The following KIF26B variants were observed in gnomAD, a reference collection of about 807,000 sequenced individuals.
KIF26B encodes kinesin family member 26B, also known as kinesin-like protein KIF26B.
Under a neutral mutation model 151.2 loss-of-function variants are expected in KIF26B, and 63 were observed. The ratio of observed to expected loss-of-function variants is 0.42; its 90% CI spans 0.34 to 0.51. The LOEUF (loss-of-function observed/expected upper bound fraction) is 0.51, where lower values mean the gene tolerates loss of function less well. Among genes scored for constraint, KIF26B ranks in the 20% least tolerant of loss-of-function variants. KIF26B has a pLI of 0.07. For missense variants in KIF26B, 2,813 were observed against 2,913.6 expected, an observed-to-expected ratio of 0.97 and a Z score of 0.79; for synonymous variants, 1,357 against 1,262.1, an observed-to-expected ratio of 1.08 and a Z score of -1.59.
chr1:245,186,674 A>G (rs1398247502), intron 2 of KIF26B, among the ~76,000 whole-genome samples: 1 of 152,182 alleles, frequency 6.6e-6, no homozygotes, highest in Non-Finnish European at 1.5e-5. Flanking sequence ...GCCTTCTGTA[A>G]AGTGGGACTC....
chr1:245,377,810 G>GA (rs113956425), intron 3 of KIF26B, among the ~76,000 whole-genome samples: 2,652 of 151,664 alleles, frequency 0.017, 79 homozygotes, highest in African/African-American at 0.059. Context: ...TTGCTTGGAG[G>GA]AAAAAAAAGG....
At chr1:245,205,371 C>A (rs1460941511) in intron 2 of KIF26B, among the ~76,000 whole-genome samples, 1 of 152,094 alleles carries the variant, frequency 6.6e-6, no homozygotes, top group Non-Finnish European at 1.5e-5. Flanking sequence ...ATACTAATTC[C>A]TATTCTATAG....
At chr1:245,272,389 G>GC (rs1333716082) in intron 2 of KIF26B, among the ~76,000 whole-genome samples, 2 of 151,930 alleles carry the variant, frequency 1.3e-5, no homozygotes, top group Non-Finnish European at 1.5e-5. Flanking sequence ...AGCAAGACCC[G>GC]CCCCCTTCAT....
At chr1:245,169,362 T>TGTGTGTGTGTGTGTGTGTGTGCGC (rs879260509) in intron 2 of KIF26B, among the ~76,000 whole-genome samples, 1 of 150,988 alleles carries the variant, frequency 6.6e-6, no homozygotes, top group African/African-American at 2.5e-5. Flanking sequence ...TGTGTGTGTG[T>TGTGTGTGTGTGTGTGTGTGTGCGC]GCGCGCAAGC....
At position 245,706,083 on chromosome 1, in the gene KIF26B, G is replaced by C. The variant is rs1446144459; in HGVS notation, c.*3477G>C. On this transcript the variant is annotated 3_prime_UTR_variant, in exon 15 of 15. Transcript: ENST00000407071. ...GTAAACAGCCAGGCATCGCAGCGTGGGGAATTAGACAGGCAGGAATCTGGC... is the reference window on the plus strand; with the variant it reads ...GTAAACAGCCAGGCATCGCAGCGTGCGGAATTAGACAGGCAGGAATCTGGC... The C allele has an allele frequency of 1.3e-5, 2 of 152,196 alleles. No individual in the cohort carries two copies. The highest frequency in any genetic ancestry group is 4.8e-5 in the African/African-American group (2 of 41,440). 9.4% of individuals were successfully genotyped at this position (152,196 alleles called of 1,614,324 possible).
rs537529706 is a variant in KIF26B at position 245,704,041 on chromosome 1, T to C, written c.*1435T>C. On this transcript the variant is annotated 3_prime_UTR_variant, in exon 15 of 15. Transcript: ENST00000407071. Reference sequence around the variant, plus strand: ...CCTATAACAATTCCCTTAGGAATTATGATACCCATTTTAGTGATTGATAGA... The same window carrying C: ...CCTATAACAATTCCCTTAGGAATTACGATACCCATTTTAGTGATTGATAGA... 2 of 136,102 alleles carry C rather than the reference T, an allele frequency of 1.5e-5. No individual in the cohort carries two copies. Among genetic ancestry groups the C allele is most frequent in the Admixed American group, 7.2e-5 (1 of 13,884 alleles). 8.4% of individuals were successfully genotyped at this position (136,102 alleles called of 1,614,324 possible). A position where few individuals can be genotyped will look rare whatever the true frequency, so the allele number is the denominator to read the frequency against.
chr1:245,423,378 G>T (rs371529740), intron 4 of KIF26B, among the ~76,000 whole-genome samples: 3 of 152,284 alleles, frequency 2.0e-5, no homozygotes, highest in South Asian at 2.1e-4. Context: ...ACATAGCCGG[G>T]AGTGGCGGAG....
rs188184571 is a variant in KIF26B at position 245,359,037 on chromosome 1, G to C, written c.466-7797G>C. Among the ~76,000 whole-genome samples, 79 of 149,426 alleles carry C rather than the reference G, an allele frequency of 5.3e-4. No homozygotes were observed. The Middle Eastern group carries it at 0.014, about 26-fold the overall frequency. ...GTTTCTCTCTCTTTTTTTTTTTCTT[G>C]AGATGGAGTCACGCTCTGTTGCTCA... On this transcript the variant is annotated intron_variant, in intron 2 of 14. Coordinates refer to ENST00000407071, the MANE Select transcript of KIF26B (RefSeq NM_018012.4).
rs925260990 is a variant in KIF26B, at chr1:245,398,325, CG to C, written c.1000-21252del. On this transcript the variant is annotated intron_variant, in intron 3 of 14. Coordinates refer to ENST00000407071, the MANE Select transcript of KIF26B (RefSeq NM_018012.4). Reference sequence around the variant, plus strand: ...CCCTTGACCCCCGATAAAGTAATCCCGGCTGCCTGCGACGGAGGTGTAGGCA... The same window carrying C: ...CCCTTGACCCCCGATAAAGTAATCCCGCTGCCTGCGACGGAGGTGTAGGCA... Among the ~76,000 whole-genome samples, 6 of 152,242 alleles carry C rather than the reference CG, an allele frequency of 3.9e-5. No homozygotes were observed. The South Asian group carries it at 6.2e-4, about 16-fold the overall frequency.
chr1:245,303,010 A>G (rs1481423531), intron 2 of KIF26B, among the ~76,000 whole-genome samples: 328 of 149,080 alleles, frequency 2.2e-3, no homozygotes, highest in African/African-American at 2.7e-3. Flanking sequence ...AAAAAAAAAA[A>G]AAAGAAAGAA....
At chr1:245,328,299 G>T (rs1395109869) in intron 2 of KIF26B, among the ~76,000 whole-genome samples, 2 of 151,934 alleles carry the variant, frequency 1.3e-5, no homozygotes, top group Non-Finnish European at 2.9e-5. Flanking sequence ...GAATATGCTG[G>T]GACTAAGGGT....
chr1:245,375,360 A>G lies in KIF26B; in HGVS notation c.999+7993A>G, dbSNP rs1673249692. On this transcript the variant is annotated intron_variant, in intron 3 of 14. Coordinates refer to ENST00000407071, the MANE Select transcript of KIF26B (RefSeq NM_018012.4). The surrounding 1 kb of genome is among the most constrained non-coding windows in gnomAD (Gnocchi z 4.2). ...CCAAAGTGCTGGGATTACAGGTATGAACCACCACATCCGGCCAAGGAGATC... is the reference window on the plus strand; with the variant it reads ...CCAAAGTGCTGGGATTACAGGTATGGACCACCACATCCGGCCAAGGAGATC... 6.6e-6 allele frequency among the ~76,000 whole-genome samples: 1 copy of G among 152,138 alleles called. No homozygotes were observed. Among genetic ancestry groups the G allele is most frequent in the Non-Finnish European group, 1.5e-5 (1 of 68,018 alleles).
At chr1:245,483,641 C>T (rs1338116720) in intron 4 of KIF26B, among the ~76,000 whole-genome samples, 1 of 151,898 alleles carries the variant, frequency 6.6e-6, no homozygotes, top group African/African-American at 2.4e-5. Flanking sequence ...TTCCAGTGGG[C>T]AGTTGAATGC....
chr1:245,470,023 G>T (rs1163859646), intron 4 of KIF26B, among the ~76,000 whole-genome samples: 1 of 151,962 alleles, frequency 6.6e-6, no homozygotes, highest in African/African-American at 2.4e-5. Flanking sequence ...GGAGAAATGG[G>T]GTTTGACGTA....
chr1:245,192,316 T>C (rs1669123619), intron 2 of KIF26B, among the ~76,000 whole-genome samples: 1 of 152,062 alleles, frequency 6.6e-6, no homozygotes, highest in African/African-American at 2.4e-5. Context: ...ATGTAAGTAT[T>C]TTCTGGTCTA....
chr1:245,442,318 C>T (rs561699189), intron 4 of KIF26B, among the ~76,000 whole-genome samples: 9 of 152,052 alleles, frequency 5.9e-5, no homozygotes, highest in Non-Finnish European at 1.0e-4. Context: ...CTTCTTATAC[C>T]GGGTGTTCAG....
chr1:245,166,990 G>A lies in KIF26B; in HGVS notation c.465+10307G>A, dbSNP rs1195202574. 1.3e-5 allele frequency among the ~76,000 whole-genome samples: 2 copies of A among 152,142 alleles called. No homozygotes were observed. The highest frequency in any genetic ancestry group is 1.9e-4 in the East Asian group (1 of 5,202). On this transcript the variant is annotated intron_variant, in intron 2 of 14. Coordinates refer to ENST00000407071, the MANE Select transcript of KIF26B (RefSeq NM_018012.4). This position sits in a 1 kb window ranked among gnomAD's most constrained non-coding sequence, Gnocchi z 4.5. Reference sequence around the variant, plus strand: ...TATTAATTTTTTAAATATGCAGAACGATAAATATGTCTTAAGTGTTATAGA... The same window carrying A: ...TATTAATTTTTTAAATATGCAGAACAATAAATATGTCTTAAGTGTTATAGA...
intron 4 of KIF26B, among the ~76,000 whole-genome samples, chr1:245,469,904 A>G (rs1471006823): frequency 6.6e-6 from 1 of 152,140 alleles, no homozygotes; most frequent in African/African-American, 2.4e-5. Flanking sequence ...AGGTGCAGAA[A>G]GCAGTCTATG....
rs139159562 is a variant in KIF26B, at chr1:245,477,066, T to C, written c.1166+57321T>C. Reference sequence around the variant, plus strand: ...TTCTAAGAGTGAGCCAGTACGTTTCTGGCAAAATAAAGACTTTAGCAGGCT... The same window carrying C: ...TTCTAAGAGTGAGCCAGTACGTTTCCGGCAAAATAAAGACTTTAGCAGGCT... On this transcript the variant is annotated intron_variant, in intron 4 of 14. Coordinates refer to ENST00000407071, the MANE Select transcript of KIF26B (RefSeq NM_018012.4). Among the ~76,000 whole-genome samples the C allele has an allele frequency of 1.8e-3, 280 of 151,986 alleles. 2 individuals carry two copies. The highest frequency in any genetic ancestry group is 6.6e-3 in the African/African-American group (275 of 41,542).
Sources: allele counts gnomAD v4.1 joint callset (sites outside exome capture counted in the v4.1 genomes callset), GRCh38; gene constraint gnomAD v4.1.1; non-coding constraint Gnocchi (gnomAD v3.1); transcripts MANE v1.5; gene names NCBI Gene and HGNC (gene_info 2026-07-23, HGNC 2026-07-21).